Variants in SPHKAP observed in about 807,000 individuals in gnomAD.
SPHKAP encodes SPHK1 interactor, AKAP domain containing.
A neutral mutation model predicts 137.5 loss-of-function variants in SPHKAP; 67 were observed. That is an observed-to-expected ratio of 0.49 (90% confidence interval 0.40 to 0.60). The LOEUF is 0.60. SPHKAP is among the 20% of genes least tolerant of loss of function. The pLI, the probability that SPHKAP is intolerant of heterozygous loss-of-function variation, is 0.00. For synonymous variants in SPHKAP, 813 were observed against 785.3 expected, an observed-to-expected ratio of 1.04 and a Z score of -0.59; for missense variants, 2,097 against 2,069.3, an observed-to-expected ratio of 1.01 and a Z score of -0.26.
Position 228,017,206 on chromosome 2 carries a change from G to A in SPHKAP, c.3648C>T (p.Ser1216=), listed in dbSNP as rs377479913. The change falls in exon 7 of 12, where the codon AGC becomes AGT. Residue 1216 remains serine (S), a synonymous_variant. Transcript: ENST00000392056. ...ACAGCAGGCCGGCTGTCCAATCCTG[G>A]CTGCTCCGTCTGGAGGAGGCACTTT... ...SRESASSRRS[S]QDWTAGLLSP... 1.9e-6 allele frequency: 3 copies of A among 1,613,964 alleles called. No homozygotes were observed. The highest frequency in any genetic ancestry group is 2.5e-6 in the Non-Finnish European group (3 of 1,180,012).
chr2:228,000,071 C>T (rs1045306245), intron 7 of SPHKAP, among the ~76,000 whole-genome samples: 2 of 152,250 alleles, frequency 1.3e-5, no homozygotes, highest in Non-Finnish European at 2.9e-5. Context: ...TCTACCTGTT[C>T]AACCCTCCTG....
intron 7 of SPHKAP, among the ~76,000 whole-genome samples, chr2:227,998,890 C>T (rs951927897): frequency 6.6e-6 from 1 of 152,170 alleles, no homozygotes; most frequent in Non-Finnish European, 1.5e-5. Flanking sequence ...TATCTGCCTG[C>T]AGCTCTCCCT....
At chr2:228,037,501 T>A (rs1461804394) in intron 3 of SPHKAP, among the ~76,000 whole-genome samples, 1 of 152,168 alleles carries the variant, frequency 6.6e-6, no homozygotes, top group East Asian at 1.9e-4. Flanking sequence ...CTCTTGATGG[T>A]AGAAGCATTC....
chr2:228,105,608 A>T (rs1329943917), intron 3 of SPHKAP, among the ~76,000 whole-genome samples: 1 of 152,212 alleles, frequency 6.6e-6, no homozygotes, highest in Non-Finnish European at 1.5e-5. Context: ...CTTGAATTGT[A>T]GCTCCCATAA....
At chr2:228,075,931 T>C (rs112051201) in intron 3 of SPHKAP, among the ~76,000 whole-genome samples, 2,755 of 152,300 alleles carry the variant, frequency 0.018, 80 homozygotes, top group African/African-American at 0.061. Flanking sequence ...GTGTCCTCAC[T>C]CAAATCTCAT....
rs575910108 is a variant in SPHKAP, at chr2:228,127,993, T to C, written c.138+3987A>G. Among the ~76,000 whole-genome samples, 18 of 152,278 alleles carry C rather than the reference T, an allele frequency of 1.2e-4. No homozygotes were observed. In the East Asian group the frequency reaches 2.5e-3, roughly 21 times the overall value. On this transcript the variant is annotated intron_variant, in intron 2 of 11. Coordinates refer to ENST00000392056, the MANE Select transcript of SPHKAP (RefSeq NM_001142644.2). ...CTGAGCCTTCAGCGAGTTGTAATCT[T>C]TTTGCTGGTGAAAGGTCTTGTCTCC... is the stretch of plus-strand genomic sequence containing the variant.
chr2:228,028,305 A>C (rs1335778335), intron 3 of SPHKAP, among the ~76,000 whole-genome samples: 1 of 152,176 alleles, frequency 6.6e-6, no homozygotes, highest in Non-Finnish European at 1.5e-5. Context: ...GTAGTGCATA[A>C]TAAGCCAGGA....
intron 8 of SPHKAP, among the ~76,000 whole-genome samples, chr2:227,995,056 C>A (rs1342089475): frequency 6.6e-6 from 1 of 152,124 alleles, no homozygotes; most frequent in African/African-American, 2.4e-5. Flanking sequence ...TTGGGAGGAA[C>A]AATACAGAGG....
chr2:228,048,896 A>T (rs1303523821), intron 3 of SPHKAP, among the ~76,000 whole-genome samples: 1 of 151,870 alleles, frequency 6.6e-6, no homozygotes, highest in Non-Finnish European at 1.5e-5. Context: ...GTGTAAGCGC[A>T]CTCTATGTTT....
At chr2:228,174,909 G>A (rs1700694159) in intron 1 of SPHKAP, among the ~76,000 whole-genome samples, 1 of 151,610 alleles carries the variant, frequency 6.6e-6, no homozygotes, top group Admixed American at 6.6e-5. Context: ...TGTAAAACAT[G>A]GTAACCAGAT....
intron 3 of SPHKAP, among the ~76,000 whole-genome samples, chr2:228,063,160 C>CTATT (rs1225874656): frequency 7.1e-6 from 1 of 141,564 alleles, no homozygotes; most frequent in Admixed American, 7.0e-5. Flanking sequence ...ATCTATCTAT[C>CTATT]TATCTATCTA....
chr2:228,009,748 T>A (rs182941730), intron 7 of SPHKAP, among the ~76,000 whole-genome samples: 39 of 152,354 alleles, frequency 2.6e-4, no homozygotes, highest in Non-Finnish European at 5.0e-4. Flanking sequence ...TTAAGTTGTG[T>A]TAGAACAAGT....
chr2:228,064,849 G>A (rs1166126739), intron 3 of SPHKAP, among the ~76,000 whole-genome samples: 1 of 152,242 alleles, frequency 6.6e-6, no homozygotes, highest in African/African-American at 2.4e-5. Flanking sequence ...ATTGCCATGA[G>A]CCTTGAGCAT....
chr2:228,062,429 T>C (rs768806795), intron 3 of SPHKAP, among the ~76,000 whole-genome samples: 3 of 152,024 alleles, frequency 2.0e-5, no homozygotes, highest in Non-Finnish European at 4.4e-5. Context: ...ACACCCGGCC[T>C]CCCCAGACCT....
Position 227,981,868 on chromosome 2 carries a change from A to T in SPHKAP, c.4960-8T>A, listed in dbSNP as rs1479976710. The T allele has an allele frequency of 1.9e-6, 3 of 1,611,808 alleles. No individual in the cohort carries two copies. The South Asian group carries it at 3.3e-5, about 18-fold the overall frequency. Reference sequence around the variant, plus strand: ...CTGCACGACATCTAGAAACTAAAATAAAACGGAGAGTTAGGGCTCACAGAG... The same window carrying T: ...CTGCACGACATCTAGAAACTAAAATTAAACGGAGAGTTAGGGCTCACAGAG... On this transcript the variant is annotated splice_region_variant and splice_polypyrimidine_tract_variant and intron_variant, in intron 11 of 11. Transcript: ENST00000392056.
chr2:228,110,588 G>A (rs1698487568), intron 2 of SPHKAP, among the ~76,000 whole-genome samples: 1 of 152,060 alleles, frequency 6.6e-6, no homozygotes, highest in Admixed American at 6.6e-5. Flanking sequence ...CTTTCAGAGA[G>A]TGCAGCAATC....
Position 227,993,538 on chromosome 2 carries a change from T to A in SPHKAP, c.4717A>T (p.Ile1573Phe). 5 of 1,600,230 alleles carry A rather than the reference T, an allele frequency of 3.1e-6. No individual in the cohort carries two copies. The highest frequency in any genetic ancestry group is 1.1e-5 in the South Asian group (1 of 88,022). The change falls in exon 9 of 12, where the codon ATT becomes TTT. Residue 1573 changes from isoleucine to phenylalanine, a missense_variant. Physicochemically the swap from Ile to Phe is conservative, Grantham distance 21 (BLOSUM62 0). Coordinates refer to ENST00000392056, the MANE Select transcript of SPHKAP (RefSeq NM_001142644.2). ...YQESMPSSPM[I>F]NELVEEKKIL... ...TGCATCTCAGTGGCTACTTACTTAA[T>A]CATGGGAGAAGATGGCATGCTTTCC...
chr2:228,133,580 T>C (rs1344312044), intron 1 of SPHKAP, among the ~76,000 whole-genome samples: 2 of 152,228 alleles, frequency 1.3e-5, no homozygotes, highest in African/African-American at 4.8e-5. Flanking sequence ...ACATAGAACA[T>C]GCACAATTCA....
At chr2:228,000,992 T>C (rs1693835248) in intron 7 of SPHKAP, among the ~76,000 whole-genome samples, 1 of 152,202 alleles carries the variant, frequency 6.6e-6, no homozygotes, top group Non-Finnish European at 1.5e-5. Flanking sequence ...TGCTCCATTC[T>C]GTATTCCAAT....
Sources: allele counts gnomAD v4.1 joint callset (sites outside exome capture counted in the v4.1 genomes callset), GRCh38; gene constraint gnomAD v4.1.1; transcripts MANE v1.5; gene names NCBI Gene and HGNC (gene_info 2026-07-23, HGNC 2026-07-21).